The following RBM6 variants were observed in gnomAD, a reference collection of about 807,000 sequenced individuals.
RBM6 encodes RNA binding motif protein 6.
RBM6 carries 23 observed loss-of-function variants against 140.4 expected under a neutral mutation model. The ratio of observed to expected loss-of-function variants is 0.16; its 90% CI spans 0.12 to 0.23. RBM6 has a LOEUF of 0.23. Ranked by LOEUF, RBM6 falls within the 10% of genes least tolerant of loss-of-function variation. The pLI is 1.00. For synonymous variants in RBM6, 439 were observed against 475.6 expected, an observed-to-expected ratio of 0.92 and a Z score of 1.00; for missense variants, 1,139 against 1,386.7, an observed-to-expected ratio of 0.82 and a Z score of 2.84.
At chr3:49,958,882 C>G (rs1412314818) in intron 1 of RBM6, among the ~76,000 whole-genome samples, 1 of 151,344 alleles carries the variant, frequency 6.6e-6, no homozygotes, top group Non-Finnish European at 1.5e-5. Context: ...CAACCAACCC[C>G]CACTCCAAGT....
At chr3:50,007,934 C>T (rs960136789) in intron 6 of RBM6, among the ~76,000 whole-genome samples, 1 of 152,146 alleles carries the variant, frequency 6.6e-6, no homozygotes, top group African/African-American at 2.4e-5. Flanking sequence ...GCTTTAAAAC[C>T]GTAAGTTCTA....
rs369201426 is a variant in RBM6, at chr3:50,057,856, G to A, written c.1822G>A (p.Glu608Lys). ...TAAGGAACCTGAACCCAGGAAGAGG[G>A]AAGAAGGCCAAGAGTCACGCTTAGG... is the stretch of plus-strand genomic sequence containing the variant. ...ADKEPEPRKR[E>K]EGQESRLGHQ... Residue 608 changes from glutamate to lysine, a missense_variant, in exon 9 of 21, where the codon GAA becomes AAA. This residue lies in a region of RBM6 where 109 missense variants were observed against 101.9 expected (regional missense o/e 1.07). Coordinates refer to ENST00000266022, the MANE Select transcript of RBM6 (RefSeq NM_005777.3). The A allele has an allele frequency of 4.2e-5, 67 of 1,613,882 alleles. No individual in the cohort carries two copies. Among genetic ancestry groups the A allele is most frequent in the Non-Finnish European group, 5.4e-5 (64 of 1,180,002 alleles).
At chr3:50,015,553 C>T (rs1329139652) in intron 6 of RBM6, among the ~76,000 whole-genome samples, 1 of 151,670 alleles carries the variant, frequency 6.6e-6, no homozygotes, top group African/African-American at 2.4e-5. Flanking sequence ...GCCTCAGCCT[C>T]CTGAGTAGCT....
intron 5 of RBM6, among the ~76,000 whole-genome samples, chr3:49,987,930 G>A (rs912543249): frequency 2.0e-5 from 3 of 152,062 alleles, no homozygotes; most frequent in Admixed American, 1.3e-4. Context: ...GAGCCACCAC[G>A]CCCGGTCATC....
intron 1 of RBM6, among the ~76,000 whole-genome samples, chr3:49,946,873 A>G (rs1046792571): frequency 2.0e-5 from 3 of 147,898 alleles, no homozygotes; most frequent in African/African-American, 7.5e-5. Flanking sequence ...ATTAGTAGCT[A>G]TCCTAGTGGA....
At chr3:50,017,475 G>A (rs2087229086) in intron 6 of RBM6, among the ~76,000 whole-genome samples, 2 of 151,466 alleles carry the variant, frequency 1.3e-5, no homozygotes, top group Admixed American at 6.6e-5. Flanking sequence ...GGAGAATGGC[G>A]TGAACCCAGG....
intron 16 of RBM6, chr3:50,065,650 C>T (rs1433731272): frequency 1.3e-5 from 6 of 456,820 alleles, no homozygotes; most frequent in Non-Finnish European, 1.8e-5. Flanking sequence ...ACAATAGTGA[C>T]CATGCATTAT....
intron 15 of RBM6, among the ~76,000 whole-genome samples, chr3:50,063,144 C>T (rs767247289): frequency 1.1e-4 from 17 of 152,114 alleles, no homozygotes; most frequent in Middle Eastern, 3.2e-3. Context: ...CTTCCTGTCT[C>T]AGTCTCCCAA....
intron 1 of RBM6, among the ~76,000 whole-genome samples, chr3:49,952,502 GT>G (rs36056766): frequency 0.5 from 68,765 of 138,582 alleles, 17,037 homozygotes; most frequent in African/African-American, 0.63. Context: ...CTTATCCTTT[GT>G]TTTTTTTTTT....
intron 5 of RBM6, among the ~76,000 whole-genome samples, chr3:49,976,985 A>G (rs1053182518): frequency 6.6e-6 from 1 of 152,160 alleles, no homozygotes; most frequent in African/African-American, 2.4e-5. Flanking sequence ...AAAGAATTGG[A>G]TTGCTAGTTT....
chr3:50,062,218 C>CT, intron 15 of RBM6, 110 bp downstream of exon 15: 2 of 1,328,192 alleles, frequency 1.5e-6, no homozygotes, highest in Non-Finnish European at 2.0e-6. Context: ...TAAAAATACT[C>CT]TGTCAGCCGG....
At chr3:49,943,351 G>A (rs1179291506) in intron 1 of RBM6, among the ~76,000 whole-genome samples, 1 of 151,804 alleles carries the variant, frequency 6.6e-6, no homozygotes, top group African/African-American at 2.4e-5. Flanking sequence ...TGCCCAGGCT[G>A]GAGTTCAGTG....
At chr3:50,051,599 C>T (rs1250827836) in intron 7 of RBM6, among the ~76,000 whole-genome samples, 3 of 152,228 alleles carry the variant, frequency 2.0e-5, no homozygotes, top group Non-Finnish European at 2.9e-5. Flanking sequence ...TGAAATTGCA[C>T]TATTGCACTC....
At chr3:50,033,287 ACT>A (rs1441157050) in intron 6 of RBM6, among the ~76,000 whole-genome samples, 2 of 151,876 alleles carry the variant, frequency 1.3e-5, no homozygotes, top group African/African-American at 4.8e-5. Context: ...ACAGAGTGAG[ACT>A]CTGTCTCGAA....
chr3:50,021,739 G>GTTTTTTTT (rs1559596492), intron 6 of RBM6, among the ~76,000 whole-genome samples: 2 of 50,588 alleles, frequency 4.0e-5, no homozygotes, highest in Non-Finnish European at 7.8e-5. Flanking sequence ...GAATTTAAGT[G>GTTTTTTTT]CTTTTTTTTT....
intron 16 of RBM6, among the ~76,000 whole-genome samples, chr3:50,065,350 T>C (rs1210535314): frequency 2.0e-5 from 3 of 152,254 alleles, no homozygotes; most frequent in African/African-American, 7.2e-5. Context: ...CTGGACTCTT[T>C]CTCTCTGCCC....
chr3:49,976,925 C>T (rs2085088433), intron 5 of RBM6, among the ~76,000 whole-genome samples: 1 of 152,154 alleles, frequency 6.6e-6, no homozygotes. Flanking sequence ...CAAATACAAT[C>T]TTTTCTTGGC....
At chr3:49,973,120 C>T (rs2084880575) in intron 4 of RBM6, among the ~76,000 whole-genome samples, 2 of 151,926 alleles carry the variant, frequency 1.3e-5, no homozygotes, top group Non-Finnish European at 2.9e-5. Flanking sequence ...CATGAGCCAC[C>T]AAGCCCAGCC....
chr3:50,008,935 G>A (rs1373047742), intron 6 of RBM6, among the ~76,000 whole-genome samples: 1 of 152,176 alleles, frequency 6.6e-6, no homozygotes, highest in Admixed American at 6.5e-5. Context: ...CAGTTGTGAG[G>A]TTAGAGTATG....
Sources: allele counts gnomAD v4.1 joint callset (sites outside exome capture counted in the v4.1 genomes callset), GRCh38; gene constraint gnomAD v4.1.1; regional missense constraint gnomAD v4.1.1; transcripts MANE v1.5; gene names NCBI Gene and HGNC (gene_info 2026-07-23, HGNC 2026-07-21).